Variants in GPC6 observed in about 807,000 individuals in gnomAD.
GPC6 encodes the protein glypican-6.
In GPC6, 14 loss-of-function variants were observed where a neutral mutation model predicts 55.2. That is an observed-to-expected ratio of 0.25 (90% CI 0.17 to 0.40). GPC6 has a LOEUF of 0.40. Ranked by LOEUF, GPC6 falls within the 10% of genes least tolerant of loss-of-function variation. GPC6 has a pLI of 1.00. For missense variants in GPC6, 641 were observed against 708.5 expected, an observed-to-expected ratio of 0.90 and a Z score of 1.08; for synonymous variants, 278 against 259.6, an observed-to-expected ratio of 1.07 and a Z score of -0.68.
intron 2 of GPC6, among the ~76,000 whole-genome samples, chr13:93,781,354 G>A (rs879394621): frequency 1.3e-5 from 2 of 151,420 alleles, no homozygotes; most frequent in Non-Finnish European, 2.9e-5. Flanking sequence ...TTTCGCAAGC[G>A]CCATTTTGAT....
intron 3 of GPC6, among the ~76,000 whole-genome samples, chr13:94,013,612 A>T (rs1280053065): frequency 6.6e-6 from 1 of 152,190 alleles, no homozygotes; most frequent in Non-Finnish European, 1.5e-5. Flanking sequence ...GGCCTCCCAA[A>T]GGGCTGGGAT....
chr13:94,145,392 A>T (rs576681350), intron 4 of GPC6, among the ~76,000 whole-genome samples: 1 of 152,294 alleles, frequency 6.6e-6, no homozygotes, highest in East Asian at 1.9e-4. Context: ...GGCCAATGGT[A>T]AAGTGTCCAA....
intron 2 of GPC6, among the ~76,000 whole-genome samples, chr13:93,553,724 A>G (rs938790223): frequency 6.7e-4 from 99 of 148,188 alleles, no homozygotes; most frequent in African/African-American, 2.4e-3. Context: ...AAAGGAGAGG[A>G]ATGAGATGGG....
At chr13:93,788,171 G>T (rs1208485358) in intron 2 of GPC6, among the ~76,000 whole-genome samples, 1 of 152,124 alleles carries the variant, frequency 6.6e-6, no homozygotes, top group African/African-American at 2.4e-5. Context: ...CCAAGATCAA[G>T]GAGCCGGTAG....
intron 2 of GPC6, among the ~76,000 whole-genome samples, chr13:93,593,824 A>G (rs1259042264): frequency 6.6e-6 from 1 of 152,152 alleles, no homozygotes; most frequent in Non-Finnish European, 1.5e-5. Flanking sequence ...TATTACATGT[A>G]TGCAGTGGAA....
At chr13:93,975,654 C>T (rs754979855) in intron 3 of GPC6, among the ~76,000 whole-genome samples, 1 of 152,132 alleles carries the variant, frequency 6.6e-6, no homozygotes, top group Non-Finnish European at 1.5e-5. Flanking sequence ...GGTTTTTGTT[C>T]CCCAAGACCT....
chr13:93,693,925 AG>A (rs1280044169), intron 2 of GPC6, among the ~76,000 whole-genome samples: 1 of 152,232 alleles, frequency 6.6e-6, no homozygotes, highest in Non-Finnish European at 1.5e-5. Context: ...ATAGATTTCT[AG>A]TAAACTTAAC....
chr13:93,554,616 C>T (rs1439306706), intron 2 of GPC6, among the ~76,000 whole-genome samples: 1 of 152,210 alleles, frequency 6.6e-6, no homozygotes, highest in Non-Finnish European at 1.5e-5. Flanking sequence ...ATTTCCATAT[C>T]ATTCAGTAGT....
intron 1 of GPC6, among the ~76,000 whole-genome samples, chr13:93,454,354 T>TACAG (rs200736480): frequency 0.11 from 11,686 of 103,340 alleles, 95 homozygotes; most frequent in Middle Eastern, 0.16. Context: ...AGTAGCTAGA[T>TACAG]AGTGTCGATT....
At chr13:93,310,326 CCTT>C (rs1238639264) in intron 1 of GPC6, among the ~76,000 whole-genome samples, 1 of 152,212 alleles carries the variant, frequency 6.6e-6, no homozygotes, top group Non-Finnish European at 1.5e-5. Flanking sequence ...GCCTCATCTT[CCTT>C]CTTCCTGCTT....
At chr13:94,076,577 C>T (rs1884922239) in intron 4 of GPC6, among the ~76,000 whole-genome samples, 2 of 151,818 alleles carry the variant, frequency 1.3e-5, no homozygotes, top group Admixed American at 1.3e-4. Flanking sequence ...AGAAGCTTTT[C>T]CTGTGTGTTT....
intron 1 of GPC6, among the ~76,000 whole-genome samples, chr13:93,332,031 A>G (rs900582601): frequency 5.3e-5 from 8 of 151,150 alleles, no homozygotes; most frequent in Non-Finnish European, 1.0e-4. Flanking sequence ...TGCAAATGAC[A>G]TGAGTTCATT....
intron 3 of GPC6, among the ~76,000 whole-genome samples, chr13:93,970,802 G>A (rs971956384): frequency 2.6e-5 from 4 of 152,158 alleles, no homozygotes; most frequent in Non-Finnish European, 5.9e-5. Flanking sequence ...TAATGTTCAA[G>A]TTACAGAGTT....
At chr13:93,321,041 G>A (rs375568210) in intron 1 of GPC6, among the ~76,000 whole-genome samples, 2 of 151,986 alleles carry the variant, frequency 1.3e-5, no homozygotes, top group African/African-American at 4.8e-5. Flanking sequence ...TAATTTCCAG[G>A]TCAGCATCTA....
chr13:93,716,268 A>G (rs1349865705), intron 2 of GPC6, among the ~76,000 whole-genome samples: 2 of 151,682 alleles, frequency 1.3e-5, no homozygotes, highest in African/African-American at 2.4e-5. Context: ...CTTATAAAAA[A>G]TAAAAGTTAC....
At chr13:94,104,685 G>C (rs1037658615) in intron 4 of GPC6, among the ~76,000 whole-genome samples, 55 of 152,090 alleles carry the variant, frequency 3.6e-4, no homozygotes, top group African/African-American at 1.3e-3. Flanking sequence ...GACAAACAGA[G>C]AGCCAAATCA....
chr13:94,351,439 C>T (rs1878538297), intron 6 of GPC6, among the ~76,000 whole-genome samples: 3 of 152,036 alleles, frequency 2.0e-5, no homozygotes, highest in Non-Finnish European at 2.9e-5. Flanking sequence ...GTACCAGAGC[C>T]TTTTGTGGAA....
At chr13:94,334,920 T>A (rs756403063) in intron 6 of GPC6, among the ~76,000 whole-genome samples, 6 of 152,186 alleles carry the variant, frequency 3.9e-5, no homozygotes, top group Non-Finnish European at 8.8e-5. Context: ...TTGATGGTGA[T>A]TGGGTGATTA....
chr13:93,520,587 T>C (rs1881376177), intron 1 of GPC6, among the ~76,000 whole-genome samples: 1 of 152,010 alleles, frequency 6.6e-6, no homozygotes, highest in Admixed American at 6.6e-5. Flanking sequence ...TTGGAAAATT[T>C]TGAAACAAGT....
Sources: allele counts gnomAD v4.1 joint callset (sites outside exome capture counted in the v4.1 genomes callset), GRCh38; gene constraint gnomAD v4.1.1; transcripts MANE v1.5; gene names NCBI Gene and HGNC (gene_info 2026-07-23, HGNC 2026-07-21).